EXOC4: variants seen among roughly 807,000 people sequenced by gnomAD.
EXOC4 encodes SEC8-like 1.
A neutral mutation model predicts 107.2 loss-of-function variants in EXOC4; 71 were observed. The observed-to-expected ratio is 0.66, with a 90% CI of 0.55 to 0.81. EXOC4 has a LOEUF of 0.81. EXOC4 is among the 30% of genes least tolerant of loss of function. The pLI, the probability that EXOC4 is intolerant of heterozygous loss-of-function variation, is 0.00. For synonymous variants in EXOC4, 456 were observed against 441.2 expected, an observed-to-expected ratio of 1.03 and a Z score of -0.42; for missense variants, 1,108 against 1,189.6, an observed-to-expected ratio of 0.93 and a Z score of 1.01.
At chr7:133,488,578 T>C (rs1357694968) in intron 9 of EXOC4, among the ~76,000 whole-genome samples, 1 of 152,116 alleles carries the variant, frequency 6.6e-6, no homozygotes, top group Non-Finnish European at 1.5e-5. Context: ...AGACAATTGA[T>C]CATGCATATA....
chr7:133,480,831 A>C (rs1305841870), intron 9 of EXOC4: 1 of 152,110 alleles, frequency 6.6e-6, no homozygotes, highest in Non-Finnish European at 1.5e-5. Context: ...AGGCAGGCAG[A>C]TCACTTGAGT....
intron 9 of EXOC4, among the ~76,000 whole-genome samples, chr7:133,542,852 T>C (rs1447604462): frequency 6.6e-6 from 1 of 152,198 alleles, no homozygotes; most frequent in African/African-American, 2.4e-5. Flanking sequence ...GTTTTTCTTC[T>C]ATGTATTCAG....
At chr7:133,551,339 T>G (rs1264639282) in intron 9 of EXOC4, among the ~76,000 whole-genome samples, 1 of 152,172 alleles carries the variant, frequency 6.6e-6, no homozygotes, top group East Asian at 1.9e-4. Context: ...CTTACTATTG[T>G]ATACTTGCTG....
At chr7:133,630,237 A>G (rs1802557488) in intron 10 of EXOC4, 96 bp downstream of exon 10, 3 of 886,872 alleles carry the variant, frequency 3.4e-6, no homozygotes, top group Non-Finnish European at 5.3e-6. Context: ...CACTGAAACA[A>G]GTCATAAAAG....
intron 14 of EXOC4, among the ~76,000 whole-genome samples, chr7:133,979,797 G>GA (rs565178838): frequency 8.7e-4 from 131 of 150,084 alleles, no homozygotes; most frequent in Non-Finnish European, 9.5e-4. Flanking sequence ...CAAAAAAAAA[G>GA]AAAAAAAAAC....
At chr7:133,319,211 G>A (rs1445430648) in intron 5 of EXOC4, among the ~76,000 whole-genome samples, 4 of 152,316 alleles carry the variant, frequency 2.6e-5, no homozygotes, top group South Asian at 2.1e-4. Flanking sequence ...GCAAATGAGT[G>A]TTGTATAAAT....
At chr7:133,970,287 G>A (rs1317561026) in intron 14 of EXOC4, among the ~76,000 whole-genome samples, 1 of 152,112 alleles carries the variant, frequency 6.6e-6, no homozygotes, top group Non-Finnish European at 1.5e-5. Context: ...GGGCTCCGTG[G>A]GGGTGGGATC....
intron 7 of EXOC4, among the ~76,000 whole-genome samples, chr7:133,453,513 A>T (rs1057139090): frequency 6.6e-6 from 1 of 152,144 alleles, no homozygotes; most frequent in Non-Finnish European, 1.5e-5. Context: ...ACTTAATTAA[A>T]CTGTCATTTC....
chr7:133,703,302 C>T (rs958820478), intron 10 of EXOC4, among the ~76,000 whole-genome samples: 10 of 152,166 alleles, frequency 6.6e-5, no homozygotes, highest in African/African-American at 1.4e-4. Context: ...TTCATTGCTA[C>T]GTTGCTGCTA....
At chr7:133,255,216 C>A (rs1334650074) in intron 1 of EXOC4, among the ~76,000 whole-genome samples, 1 of 151,032 alleles carries the variant, frequency 6.6e-6, no homozygotes, top group African/African-American at 2.4e-5. Context: ...CTTGCTCTGT[C>A]CCCAGGCTGG....
chr7:133,978,557 G>C (rs886881427), intron 14 of EXOC4, among the ~76,000 whole-genome samples: 5 of 152,234 alleles, frequency 3.3e-5, no homozygotes, highest in African/African-American at 1.2e-4. Context: ...TTTCAAGCAA[G>C]AAGGAATTTA....
chr7:133,959,090 A>G lies in EXOC4; in HGVS notation c.2206+21021A>G, dbSNP rs536681980. On this transcript the variant is annotated intron_variant, in intron 14 of 17. Transcript: ENST00000253861. ...AAAGAGACCAGCCAGATCACCTACA[A>G]AGACAACTACAATGCATCAGCCTTA... Among the ~76,000 whole-genome samples, 84 of 152,270 alleles carry G rather than the reference A, an allele frequency of 5.5e-4. 1 individual carries two copies. The South Asian group carries it at 0.017, about 31-fold the overall frequency.
chr7:133,379,058 T>C (rs1220809483), intron 7 of EXOC4, among the ~76,000 whole-genome samples: 1 of 152,170 alleles, frequency 6.6e-6, no homozygotes, highest in Non-Finnish European at 1.5e-5. Flanking sequence ...ATAAGAATAG[T>C]ACAAAGAGCC....
the EXOC4 span, among the ~76,000 whole-genome samples, chr7:134,093,417 A>G: frequency 6.6e-6 from 1 of 152,210 alleles, no homozygotes; most frequent in African/African-American, 2.4e-5. Flanking sequence ...CACCCAGATT[A>G]TTAAAACAAG....
At chr7:133,410,378 CTG>C (rs1797329804) in intron 7 of EXOC4, among the ~76,000 whole-genome samples, 1 of 152,136 alleles carries the variant, frequency 6.6e-6, no homozygotes, top group African/African-American at 2.4e-5. Context: ...GAATGTATAT[CTG>C]TGTGTGTGAT....
intron 7 of EXOC4, among the ~76,000 whole-genome samples, chr7:133,397,847 T>C (rs1417248274): frequency 6.6e-6 from 1 of 152,212 alleles, no homozygotes; most frequent in Non-Finnish European, 1.5e-5. Flanking sequence ...ACTTTATATG[T>C]ATTATCTAAT....
chr7:133,687,818 T>C (rs1463416766), intron 10 of EXOC4, among the ~76,000 whole-genome samples: 11 of 152,120 alleles, frequency 7.2e-5, no homozygotes, highest in Admixed American at 2.0e-4. Flanking sequence ...ATTCAAACAA[T>C]TGGTCATTAT....
chr7:133,358,516 T>C (rs1453900667), intron 6 of EXOC4, among the ~76,000 whole-genome samples: 1 of 152,136 alleles, frequency 6.6e-6, no homozygotes, highest in Admixed American at 6.5e-5. Context: ...TGGAGAATGG[T>C]TCTTTGAACT....
At chr7:133,581,264 C>G (rs1801262064) in intron 9 of EXOC4, among the ~76,000 whole-genome samples, 1 of 152,190 alleles carries the variant, frequency 6.6e-6, no homozygotes, top group African/African-American at 2.4e-5. Context: ...CTGACATAGT[C>G]AAAGACTTCT....
Sources: allele counts gnomAD v4.1 joint callset (sites outside exome capture counted in the v4.1 genomes callset), GRCh38; gene constraint gnomAD v4.1.1; transcripts MANE v1.5; gene names NCBI Gene and HGNC (gene_info 2026-07-23, HGNC 2026-07-21).